PCDHGB2: variants seen among roughly 807,000 people sequenced by gnomAD.
PCDHGB2 encodes protocadherin gamma subfamily B, 2, also known as protocadherin gamma-B2.
Under a neutral mutation model 59.3 loss-of-function variants are expected in PCDHGB2, and 55 were observed. The ratio of observed to expected loss-of-function variants is 0.93; its 90% CI spans 0.75 to 1.16. The LOEUF (loss-of-function observed/expected upper bound fraction) is 1.16, where lower values mean the gene tolerates loss of function less well. PCDHGB2 is among the 50% of genes most tolerant of loss of function. PCDHGB2 has a pLI of 0.00. For synonymous variants in PCDHGB2, 516 were observed against 512.0 expected (o/e 1.01, Z -0.11); for missense variants, 1,228 against 1,198.5 (o/e 1.02, Z -0.36).
rs115262984 is a variant in PCDHGB2 at position 141,463,089 on chromosome 5, C to T, written c.2422-31718C>T. ...AATGAAATTCAAACATTTTCCAGCC[C>T]TATGTGACCATCAAGAATTCAGCTA... On this transcript the variant is annotated intron_variant, in intron 1 of 3. Coordinates refer to ENST00000522605, the MANE Select transcript of PCDHGB2 (RefSeq NM_018923.3). Among the ~76,000 whole-genome samples the T allele has an allele frequency of 2.5e-3, 374 of 152,264 alleles. 2 individuals are homozygous for T. Among genetic ancestry groups the T allele is most frequent in the African/African-American group, 8.7e-3 (360 of 41,552 alleles).
chr5:141,420,256 T>C (rs377440259), intron 1 of PCDHGB2: 2 of 1,569,010 alleles, frequency 1.3e-6, no homozygotes, highest in Non-Finnish European at 1.7e-6. Flanking sequence ...TTGAAGCAGA[T>C]AAGAAGATTC....
chr5:141,430,560 G>T (rs1184226832), intron 1 of PCDHGB2: 1 of 420,160 alleles, frequency 2.4e-6, no homozygotes, highest in Non-Finnish European at 4.1e-6. Context: ...ACCAATCGGG[G>T]AGAGAAAAGC....
chr5:141,425,795 T>A (rs2096894407), intron 1 of PCDHGB2, among the ~76,000 whole-genome samples: 1 of 152,244 alleles, frequency 6.6e-6, no homozygotes, highest in Non-Finnish European at 1.5e-5. Flanking sequence ...TTCCAATATG[T>A]GCATTGCTTC....
In PCDHGB2 at chr5:141,404,353, A is replaced by G. The variant is rs778714799; in HGVS notation, c.2421+41797A>G. ...TCTACCTCCCGGAAAACAACGCCAGAGGTACTTCCATCTTCTCCGTGATTG... is the reference window on the plus strand; with the variant it reads ...TCTACCTCCCGGAAAACAACGCCAGGGGTACTTCCATCTTCTCCGTGATTG... On this transcript the variant is annotated intron_variant, in intron 1 of 3. Coordinates refer to ENST00000522605, the MANE Select transcript of PCDHGB2 (RefSeq NM_018923.3). 2.0e-5 allele frequency: 33 copies of G among 1,613,948 alleles called. No individual in the cohort carries two copies. In the Admixed American group the frequency reaches 5.5e-4, roughly 27 times the overall value.
rs1220353816 is a variant in PCDHGB2, at chr5:141,396,426, C to T, written c.2421+33870C>T. Reference sequence around the variant, plus strand: ...CTGAGGTCAGGAGTTCAAGATCAGCCTGGCAAACATGGTGAAACCCCGTCT... The same window carrying T: ...CTGAGGTCAGGAGTTCAAGATCAGCTTGGCAAACATGGTGAAACCCCGTCT... On this transcript the variant is annotated intron_variant, in intron 1 of 3. Coordinates refer to ENST00000522605, the MANE Select transcript of PCDHGB2 (RefSeq NM_018923.3). The T allele has an allele frequency of 5.9e-5, 9 of 152,308 alleles. 1 individual carries two copies. The highest frequency in any genetic ancestry group is 2.2e-4 in the African/African-American group (9 of 41,552). 9.4% of individuals were successfully genotyped at this position (152,308 alleles called of 1,614,324 possible). A position where few individuals can be genotyped will look rare whatever the true frequency, so the allele number is the denominator to read the frequency against.
chr5:141,363,496 A>G (rs1762946791), intron 1 of PCDHGB2, among the ~76,000 whole-genome samples: 1 of 152,378 alleles, frequency 6.6e-6, no homozygotes, highest in South Asian at 2.1e-4. Context: ...GATGAAATAA[A>G]ACCCCATCCT....
chr5:141,472,838 T>C (rs1457889821), intron 1 of PCDHGB2, among the ~76,000 whole-genome samples: 1 of 151,464 alleles, frequency 6.6e-6, no homozygotes, highest in Non-Finnish European at 1.5e-5. Context: ...AATAGAAAAT[T>C]AGCTGGGCAT....
chr5:141,422,777 C>CCCTACAAT, intron 1 of PCDHGB2: 2 of 1,613,982 alleles, frequency 1.2e-6, no homozygotes, highest in Non-Finnish European at 1.7e-6. Context: ...GTTCTCTATG[C>CCCTACAAT]CCTACAATCC....
At chr5:141,497,465 G>A (rs189158903) in intron 2 of PCDHGB2, among the ~76,000 whole-genome samples, 1 of 152,024 alleles carries the variant, frequency 6.6e-6, no homozygotes, top group East Asian at 1.9e-4. Flanking sequence ...TTGGAGATAT[G>A]GAGGAGAAGG....
chr5:141,372,725 A>G (rs1258286952), intron 1 of PCDHGB2: 4 of 1,613,884 alleles, frequency 2.5e-6, no homozygotes, highest in Admixed American at 1.7e-5. Flanking sequence ...ATGCTGCACC[A>G]CAAGATCTTC....
At chr5:141,387,791 A>T in intron 1 of PCDHGB2, 1 of 1,492,120 alleles carries the variant, frequency 6.7e-7, no homozygotes, top group Non-Finnish European at 8.9e-7. Context: ...AACTGCAACT[A>T]AAGTCCGTTC....
At chr5:141,488,021 C>A (rs570700985) in intron 1 of PCDHGB2, among the ~76,000 whole-genome samples, 1 of 152,244 alleles carries the variant, frequency 6.6e-6, no homozygotes, top group East Asian at 1.9e-4. Flanking sequence ...TACCTTAACT[C>A]TAGGTTACCA....
At chr5:141,385,285 G>C in intron 1 of PCDHGB2, 1 of 1,613,408 alleles carries the variant, frequency 6.2e-7, no homozygotes, top group Non-Finnish European at 8.5e-7. Flanking sequence ...AACATCCGTA[G>C]ATTTTCAGGA....
chr5:141,412,664 A>G (rs959517920), intron 1 of PCDHGB2: 10 of 152,288 alleles, frequency 6.6e-5, no homozygotes, highest in African/African-American at 2.4e-4. Flanking sequence ...AGACACTAAT[A>G]TGACCTAAAA....
In PCDHGB2 at chr5:141,486,407, C is replaced by A; in HGVS notation, c.2422-8400C>A. The A allele has an allele frequency of 6.2e-7, 1 of 1,614,134 alleles. No homozygotes were observed. The highest frequency in any genetic ancestry group is 8.5e-7 in the Non-Finnish European group (1 of 1,180,000). On this transcript the variant is annotated intron_variant, in intron 1 of 3. Transcript: ENST00000522605. This position sits in a 1 kb window ranked among gnomAD's most constrained non-coding sequence, Gnocchi z 5.0. Reference sequence around the variant, plus strand: ...CCAGTTCTCCCTGGTGACTGCTGGACCCTTGGATCGAGAGGCCAAATCTAG... The same window carrying A: ...CCAGTTCTCCCTGGTGACTGCTGGAACCTTGGATCGAGAGGCCAAATCTAG...
chr5:141,421,515 C>A, intron 1 of PCDHGB2: 3 of 1,614,080 alleles, frequency 1.9e-6, no homozygotes, highest in Non-Finnish European at 2.5e-6. Context: ...GGGAGGAGCT[C>A]TGTGAGACGG....
chr5:141,433,397 A>ATCTATCTATCTG (rs2097600396), intron 1 of PCDHGB2, among the ~76,000 whole-genome samples: 2 of 150,410 alleles, frequency 1.3e-5, no homozygotes, highest in African/African-American at 2.5e-5. Flanking sequence ...CTATCTATCT[A>ATCTATCTATCTG]TCTATCTATT....
rs201408987 is a variant in PCDHGB2, at chr5:141,476,857, C to T, written c.2422-17950C>T. 12 of 1,613,768 alleles carry T rather than the reference C, an allele frequency of 7.4e-6. No individual in the cohort carries two copies. The highest frequency in any genetic ancestry group is 1.0e-5 in the Non-Finnish European group (12 of 1,180,054). ...ACAATGCGCCTGTCTTCAACCAGTC[C>T]TTGTACCGGGCGCGCGTCCTGGAGG... On this transcript the variant is annotated intron_variant, in intron 1 of 3. Transcript: ENST00000522605. The surrounding 1 kb of genome is among the most constrained non-coding windows in gnomAD (Gnocchi z 7.6).
intron 1 of PCDHGB2, chr5:141,410,427 A>G (rs746046310): frequency 1.4e-5 from 22 of 1,613,832 alleles, no homozygotes; most frequent in East Asian, 1.1e-4. Flanking sequence ...GTTCCCCCCA[A>G]CTACAGTGAG....
Sources: allele counts gnomAD v4.1 joint callset (sites outside exome capture counted in the v4.1 genomes callset), GRCh38; gene constraint gnomAD v4.1.1; non-coding constraint Gnocchi (gnomAD v3.1); transcripts MANE v1.5; gene names NCBI Gene and HGNC (gene_info 2026-07-23, HGNC 2026-07-21).